PCDHGB1: variants seen among roughly 807,000 people sequenced by gnomAD.
The protein encoded by PCDHGB1 is protocadherin gamma subfamily B, 1.
In PCDHGB1, 34 loss-of-function variants were observed where a neutral mutation model predicts 56.6. The ratio of observed to expected loss-of-function variants is 0.60; its 90% CI spans 0.46 to 0.80. The LOEUF is 0.80. Among genes scored for constraint, PCDHGB1 ranks in the 30% least tolerant of loss-of-function variants. The probability of loss-of-function intolerance (pLI) is 0.00; values close to 1 mark genes in which losing one functional copy is unlikely to be tolerated. For missense variants in PCDHGB1, 1,278 were observed against 1,204.6 expected (o/e 1.06, Z -0.90); for synonymous variants, 561 against 505.9 (o/e 1.11, Z -1.46).
At chr5:141,393,378 G>C in intron 1 of PCDHGB1, 1 of 1,613,982 alleles carries the variant, frequency 6.2e-7, no homozygotes, top group Non-Finnish European at 8.5e-7. Flanking sequence ...AGACAATGGA[G>C]CCATAAACCC....
chr5:141,425,394 G>T (rs186813737), intron 1 of PCDHGB1, among the ~76,000 whole-genome samples: 10 of 152,302 alleles, frequency 6.6e-5, no homozygotes, highest in African/African-American at 2.4e-4. Context: ...TAGTGATAAA[G>T]TTCTGTTAAG....
At chr5:141,414,733 G>A (rs768741206) in intron 1 of PCDHGB1, 2 of 1,614,174 alleles carry the variant, frequency 1.2e-6, no homozygotes. Flanking sequence ...CGTCCTGTAT[G>A]CACTCAGATC....
Position 141,476,667 on chromosome 5 carries a change from T to C in PCDHGB1, c.2410-18140T>C. 6.2e-7 allele frequency: 1 copy of C among 1,614,234 alleles called. No individual in the cohort carries two copies. Among genetic ancestry groups the C allele is most frequent in the Non-Finnish European group, 8.5e-7 (1 of 1,180,042 alleles). ...CGAAATGAATACTTTGCGCTTCGCG[T>C]GCAGACGCGGGAGGACAGCACCAAG... On this transcript the variant is annotated intron_variant, in intron 1 of 3. Transcript: ENST00000523390. The surrounding 1 kb of genome is among the most constrained non-coding windows in gnomAD (Gnocchi z 7.6).
intron 1 of PCDHGB1, among the ~76,000 whole-genome samples, chr5:141,481,692 G>T (rs1231630072): frequency 6.6e-6 from 1 of 152,020 alleles, no homozygotes; most frequent in African/African-American, 2.4e-5. Context: ...GGTGGCTCAC[G>T]CCTGTAATCC....
Position 141,398,804 on chromosome 5 carries a change from C to G in PCDHGB1, c.2409+46135C>G, listed in dbSNP as rs1283760076. 9 of 1,613,894 alleles carry G rather than the reference C, an allele frequency of 5.6e-6. No homozygotes were observed. In the South Asian group the frequency reaches 8.8e-5, roughly 16 times the overall value. On this transcript the variant is annotated intron_variant, in intron 1 of 3. Coordinates refer to ENST00000523390, the MANE Select transcript of PCDHGB1 (RefSeq NM_018922.3). ...GGACATCCACCCCTAAGCGGCACCA[C>G]TGAGCTCCGGATCCAGGTAACCGAC... is the stretch of plus-strand genomic sequence containing the variant.
chr5:141,382,985 G>A (rs769787880), intron 1 of PCDHGB1: 50 of 1,613,304 alleles, frequency 3.1e-5, no homozygotes, highest in Non-Finnish European at 4.2e-5. Flanking sequence ...GCCTGGGCAG[G>A]ACGTATTCTC....
chr5:141,446,275 A>G (rs1229842331), intron 1 of PCDHGB1, among the ~76,000 whole-genome samples: 1 of 152,156 alleles, frequency 6.6e-6, no homozygotes, highest in African/African-American at 2.4e-5. Flanking sequence ...GAATAAATAC[A>G]ATGGATAAAT....
intron 1 of PCDHGB1, chr5:141,377,279 AAT>A (rs1773851812): frequency 6.6e-6 from 1 of 152,110 alleles, no homozygotes; most frequent in African/African-American, 2.4e-5. Context: ...TGGGAAAAAA[AAT>A]AACCTTAATT....
At position 141,477,418 on chromosome 5, in the gene PCDHGB1, C is replaced by G. The variant is rs759728291; in HGVS notation, c.2410-17389C>G. ...GCATCACCGCCCGAGACGCCGGAAC[C>G]CCTTCCCTCTCAGCCCTTACAATAG... On this transcript the variant is annotated intron_variant, in intron 1 of 3. Transcript: ENST00000523390. This position sits in a 1 kb window ranked among gnomAD's most constrained non-coding sequence, Gnocchi z 4.9. 2 of 1,614,166 alleles carry G rather than the reference C, an allele frequency of 1.2e-6. No homozygotes were observed. Among genetic ancestry groups the G allele is most frequent in the Non-Finnish European group, 1.7e-6 (2 of 1,180,030 alleles).
chr5:141,432,288 A>C lies in PCDHGB1; in HGVS notation c.2410-62519A>C. ...TCGTCCTACGTGTCCATCAACTCCG[A>C]CACTGGGGTACTGTATGCGCTGAGC... On this transcript the variant is annotated intron_variant, in intron 1 of 3. Coordinates refer to ENST00000523390, the MANE Select transcript of PCDHGB1 (RefSeq NM_018922.3). This position sits in a 1 kb window ranked among gnomAD's most constrained non-coding sequence, Gnocchi z 6.0. 1 of 1,614,192 alleles carries C rather than the reference A, an allele frequency of 6.2e-7. No individual in the cohort carries two copies. Among genetic ancestry groups the C allele is most frequent in the Non-Finnish European group, 8.5e-7 (1 of 1,180,018 alleles).
intron 1 of PCDHGB1, chr5:141,362,476 G>A (rs757587046): frequency 1.2e-6 from 2 of 1,614,028 alleles, no homozygotes; most frequent in East Asian, 2.2e-5. Context: ...GCAAGATCTC[G>A]TCTGTGACAA....
Position 141,394,128 on chromosome 5 carries a change from G to A in PCDHGB1, c.2409+41459G>A, listed in dbSNP as rs371610257. 2.0e-5 allele frequency: 32 copies of A among 1,613,612 alleles called. No homozygotes were observed. The highest frequency in any genetic ancestry group is 4.0e-5 in the African/African-American group (3 of 74,844). ...ACCTCTGTCCACTGAAACTCAAATC[G>A]CTCTGCACGTGGCAGACATTAACGA... On this transcript the variant is annotated intron_variant, in intron 1 of 3. Transcript: ENST00000523390.
chr5:141,371,997 C>T (rs772765707), intron 1 of PCDHGB1: 3 of 1,613,232 alleles, frequency 1.9e-6, no homozygotes, highest in East Asian at 2.2e-5. Context: ...TCTGCAGGCC[C>T]GCGACCAGGG....
chr5:141,436,713 G>T (rs2097842329), intron 1 of PCDHGB1, among the ~76,000 whole-genome samples: 1 of 152,190 alleles, frequency 6.6e-6, no homozygotes, highest in Non-Finnish European at 1.5e-5. Context: ...TCGATGTTCT[G>T]TTGGGAAAAA....
chr5:141,431,536 G>T lies in PCDHGB1; in HGVS notation c.2410-63271G>T. Reference sequence around the variant, plus strand: ...TTCCGGAGAATCTGGCCTTGGGCACGCAGCTGCTTGTAGTCAACGCTACCG... The same window carrying T: ...TTCCGGAGAATCTGGCCTTGGGCACTCAGCTGCTTGTAGTCAACGCTACCG... On this transcript the variant is annotated intron_variant, in intron 1 of 3. Coordinates refer to ENST00000523390, the MANE Select transcript of PCDHGB1 (RefSeq NM_018922.3). The surrounding 1 kb of genome is among the most constrained non-coding windows in gnomAD (Gnocchi z 4.8). 6.2e-7 allele frequency: 1 copy of T among 1,614,068 alleles called. No homozygotes were observed. Among genetic ancestry groups the T allele is most frequent in the Non-Finnish European group, 8.5e-7 (1 of 1,180,022 alleles).
chr5:141,436,384 C>A lies in PCDHGB1; in HGVS notation c.2410-58423C>A, dbSNP rs1048094484. 2.6e-5 allele frequency among the ~76,000 whole-genome samples: 4 copies of A among 152,222 alleles called. 1 individual carries two copies. Among genetic ancestry groups the A allele is most frequent in the Non-Finnish European group, 4.4e-5 (3 of 67,978 alleles). On this transcript the variant is annotated intron_variant, in intron 1 of 3. Coordinates refer to ENST00000523390, the MANE Select transcript of PCDHGB1 (RefSeq NM_018922.3). The stretch of plus-strand genomic sequence containing the variant: ...ATGTTTCCAGTTTAAGCTGAATAGG[C>A]TTTATTAAATAGTTGTTGAATGAAT...
At chr5:141,479,056 A>G (rs952560687) in intron 1 of PCDHGB1, among the ~76,000 whole-genome samples, 1 of 152,098 alleles carries the variant, frequency 6.6e-6, no homozygotes, top group Admixed American at 6.5e-5. Context: ...TTCTCAGATA[A>G]TTTTTTATGA....
intron 1 of PCDHGB1, chr5:141,422,116 T>G (rs753281558): frequency 1.2e-6 from 2 of 1,604,612 alleles, no homozygotes; most frequent in African/African-American, 1.3e-5. Flanking sequence ...CCAATTGGAT[T>G]CACAAACTGG....
chr5:141,395,409 T>G, intron 1 of PCDHGB1: 1 of 813,990 alleles, frequency 1.2e-6, no homozygotes, highest in East Asian at 2.8e-5. Context: ...AGTCATAGGT[T>G]ATTGTTTCAT....
Sources: allele counts gnomAD v4.1 joint callset (sites outside exome capture counted in the v4.1 genomes callset), GRCh38; gene constraint gnomAD v4.1.1; non-coding constraint Gnocchi (gnomAD v3.1); transcripts MANE v1.5; gene names NCBI Gene and HGNC (gene_info 2026-07-23, HGNC 2026-07-21).